Variants in SEMA3C observed in about 807,000 individuals in gnomAD.
SEMA3C encodes the protein semaphorin-3C.
A neutral mutation model predicts 89.4 loss-of-function variants in SEMA3C; 47 were observed. The ratio of observed to expected loss-of-function variants is 0.53; its 90% CI spans 0.42 to 0.67. SEMA3C has a LOEUF of 0.67. SEMA3C is among the 30% of genes least tolerant of loss of function. The pLI is 0.00. For missense variants in SEMA3C, 839 were observed against 929.1 expected, an observed-to-expected ratio of 0.90 and a Z score of 1.26; for synonymous variants, 310 against 320.2, an observed-to-expected ratio of 0.97 and a Z score of 0.34.
At chr7:80,855,809 C>T (rs1422792448) in intron 2 of SEMA3C, among the ~76,000 whole-genome samples, 1 of 152,068 alleles carries the variant, frequency 6.6e-6, no homozygotes, top group East Asian at 1.9e-4. Flanking sequence ...AATATTCACT[C>T]CTAACACTAG....
chr7:80,752,474 G>A (rs760993094), intron 15 of SEMA3C, among the ~76,000 whole-genome samples: 60 of 152,000 alleles, frequency 3.9e-4, no homozygotes, highest in Non-Finnish European at 6.0e-4. Context: ...GCTGGGCATG[G>A]TGGTGCATGG....
intron 2 of SEMA3C, among the ~76,000 whole-genome samples, chr7:80,900,051 T>G (rs957944804): frequency 4.6e-5 from 7 of 152,146 alleles, no homozygotes; most frequent in Admixed American, 3.3e-4. Context: ...ATAGTGTACA[T>G]TATACCCATT....
chr7:80,845,790 T>A (rs1020161989), intron 2 of SEMA3C, among the ~76,000 whole-genome samples: 1 of 152,142 alleles, frequency 6.6e-6, no homozygotes, highest in Non-Finnish European at 1.5e-5. Context: ...GTACAATGAC[T>A]AGGACCCTAC....
At chr7:80,895,589 A>G (rs1368093562) in intron 2 of SEMA3C, among the ~76,000 whole-genome samples, 2 of 152,184 alleles carry the variant, frequency 1.3e-5, no homozygotes, top group Non-Finnish European at 2.9e-5. Flanking sequence ...CAGTCCTTAT[A>G]TACACATCAC....
chr7:80,902,696 G>A (rs1393475046), intron 2 of SEMA3C, among the ~76,000 whole-genome samples: 4 of 152,154 alleles, frequency 2.6e-5, no homozygotes, highest in Non-Finnish European at 5.9e-5. Flanking sequence ...TATATGATTT[G>A]TAACTCATAA....
At chr7:80,845,371 G>A (rs1359208946) in intron 2 of SEMA3C, among the ~76,000 whole-genome samples, 1 of 151,914 alleles carries the variant, frequency 6.6e-6, no homozygotes, top group Non-Finnish European at 1.5e-5. Flanking sequence ...GCTATGGAGG[G>A]TATTAAGACT....
intron 2 of SEMA3C, among the ~76,000 whole-genome samples, chr7:80,832,197 G>A (rs989865492): frequency 1.3e-5 from 2 of 152,106 alleles, no homozygotes; most frequent in African/African-American, 2.4e-5. Context: ...TGATGTATAG[G>A]AAACAGTTTG....
chr7:80,763,506 T>C (rs1788231709), intron 13 of SEMA3C, among the ~76,000 whole-genome samples: 1 of 152,162 alleles, frequency 6.6e-6, no homozygotes, highest in Admixed American at 6.5e-5. Flanking sequence ...TCTGACTGAC[T>C]CTGTTTTTCC....
At chr7:80,772,709 TG>T (rs199607138) in intron 12 of SEMA3C, among the ~76,000 whole-genome samples, 2,880 of 148,548 alleles carry the variant, frequency 0.019, 56 homozygotes, top group African/African-American at 0.058. Context: ...TTTTTTTTTT[TG>T]TTTGTTTTAT....
chr7:80,756,376 A>G (rs1314678293), intron 15 of SEMA3C, among the ~76,000 whole-genome samples: 2 of 151,724 alleles, frequency 1.3e-5, no homozygotes, highest in African/African-American at 4.9e-5. Context: ...CCACCATTAT[A>G]TCTCACCTAG....
At chr7:80,812,431 C>A (rs1183352212) in intron 5 of SEMA3C, among the ~76,000 whole-genome samples, 1 of 152,114 alleles carries the variant, frequency 6.6e-6, no homozygotes, top group Non-Finnish European at 1.5e-5. Context: ...TTCATGTAAC[C>A]ACTAAACTAA....
intron 5 of SEMA3C, among the ~76,000 whole-genome samples, chr7:80,817,541 A>C (rs1364745744): frequency 2.6e-5 from 4 of 152,216 alleles, no homozygotes; most frequent in Non-Finnish European, 4.4e-5. Flanking sequence ...TACTTTCCTT[A>C]GTCAACAGCT....
upstream of SEMA3C, chr7:80,919,097 G>A: frequency 1.0e-6 from 1 of 985,106 alleles, no homozygotes; most frequent in Non-Finnish European, 1.2e-6. Context: ...CTTGGTGTCC[G>A]ATTACAGCGC....
upstream of SEMA3C, chr7:80,919,112 G>T: frequency 1.0e-6 from 1 of 984,932 alleles, no homozygotes; most frequent in Non-Finnish European, 1.2e-6. Flanking sequence ...CAGCGCCGCG[G>T]CGCGCGGCTC....
intron 14 of SEMA3C, among the ~76,000 whole-genome samples, chr7:80,760,750 A>G (rs565153317): frequency 6.6e-6 from 1 of 152,244 alleles, no homozygotes; most frequent in South Asian, 2.1e-4. Context: ...TATTCTAGGT[A>G]ATTTATATAA....
chr7:80,895,451 T>A (rs989836459), intron 2 of SEMA3C, among the ~76,000 whole-genome samples: 2 of 152,212 alleles, frequency 1.3e-5, no homozygotes, highest in African/African-American at 4.8e-5. Flanking sequence ...TCACTGCATC[T>A]AATGTTCAGA....
chr7:80,882,435 T>C (rs1314877925), intron 2 of SEMA3C, among the ~76,000 whole-genome samples: 2 of 148,962 alleles, frequency 1.3e-5, no homozygotes, highest in African/African-American at 2.5e-5. Flanking sequence ...TTTTTTTTTT[T>C]TTTTGGTATT....
At chr7:80,808,726 A>G (rs1254570850) in intron 6 of SEMA3C, among the ~76,000 whole-genome samples, 1 of 152,202 alleles carries the variant, frequency 6.6e-6, no homozygotes, top group Admixed American at 6.5e-5. Flanking sequence ...AGAGGAAAAG[A>G]CGTCTACTAT....
intron 2 of SEMA3C, among the ~76,000 whole-genome samples, chr7:80,863,616 G>A (rs755553443): frequency 5.3e-5 from 8 of 150,514 alleles, no homozygotes; most frequent in South Asian, 2.1e-4. Context: ...CCAAATGCTC[G>A]TCAATCAACG....
Sources: gnomAD v4.1 joint callset for allele counts (sites outside exome capture counted in the v4.1 genomes callset) on GRCh38, gnomAD v4.1.1 for gene constraint, MANE v1.5 for transcripts, NCBI Gene and HGNC (gene_info 2026-07-23, HGNC 2026-07-21) for gene names.